Variants in ANKRD28 observed in about 807,000 individuals in gnomAD.
ANKRD28 encodes serine/threonine-protein phosphatase 6 regulatory ankyrin repeat subunit A.
Under a neutral mutation model 126.5 loss-of-function variants are expected in ANKRD28, and 44 were observed. The observed-to-expected ratio is 0.35, with a 90% CI of 0.27 to 0.45. The LOEUF (loss-of-function observed/expected upper bound fraction) is 0.45. Ranked by LOEUF, ANKRD28 falls within the 20% of genes least tolerant of loss-of-function variation. The pLI is 1.00. For missense variants in ANKRD28, 1,110 were observed against 1,316.6 expected (o/e 0.84, Z 2.43); for synonymous variants, 442 against 468.5 (o/e 0.94, Z 0.73).
intron 4 of ANKRD28, chr3:15,738,457 T>G (rs143019019): frequency 6.6e-6 from 1 of 152,318 alleles, no homozygotes; most frequent in Non-Finnish European, 1.5e-5. Flanking sequence ...GAAATTAACA[T>G]TGCTAATGAA....
At chr3:15,718,735 T>C (rs2073364021) in intron 8 of ANKRD28, among the ~76,000 whole-genome samples, 1 of 152,222 alleles carries the variant, frequency 6.6e-6, no homozygotes, top group Non-Finnish European at 1.5e-5. Flanking sequence ...ATTTCCATAA[T>C]ACTAACACAC....
chr3:15,777,841 A>G (rs2059354473), intron 2 of ANKRD28, among the ~76,000 whole-genome samples: 1 of 116,956 alleles, frequency 8.6e-6, no homozygotes, highest in African/African-American at 2.9e-5. Context: ...CCATCACCAA[A>G]ACCAAACTAC....
intron 2 of ANKRD28, among the ~76,000 whole-genome samples, chr3:15,782,122 T>G (rs998978180): frequency 2.0e-5 from 3 of 152,132 alleles, no homozygotes; most frequent in African/African-American, 7.2e-5. Flanking sequence ...ATATGTAAGA[T>G]TTTTCATATA....
At chr3:15,761,912 A>G (rs1008719137) in intron 3 of ANKRD28, among the ~76,000 whole-genome samples, 2 of 152,090 alleles carry the variant, frequency 1.3e-5, no homozygotes, top group Non-Finnish European at 2.9e-5. Flanking sequence ...TGGGCTGGGC[A>G]TGGTGGCTCA....
At chr3:15,715,665 C>G (rs2072921244) in intron 8 of ANKRD28, among the ~76,000 whole-genome samples, 3 of 152,154 alleles carry the variant, frequency 2.0e-5, no homozygotes. Flanking sequence ...CTACTTACCA[C>G]AAGCAAGATT....
At chr3:15,716,651 CAA>C (rs2073098855) in intron 8 of ANKRD28, among the ~76,000 whole-genome samples, 1 of 151,900 alleles carries the variant, frequency 6.6e-6, no homozygotes. Flanking sequence ...ATAAGAAAAA[CAA>C]GAGGAAAACT....
At chr3:15,857,370 T>TGTCTCCCGGG (rs1267026720) in intron 1 of ANKRD28, among the ~76,000 whole-genome samples, 1 of 152,214 alleles carries the variant, frequency 6.6e-6, no homozygotes, top group African/African-American at 2.4e-5. Flanking sequence ...CTGCAACCTC[T>TGTCTCCCGGG]GTCTCCCGGG....
At chr3:15,823,292 G>C (rs962541277) in intron 1 of ANKRD28, among the ~76,000 whole-genome samples, 13 of 152,202 alleles carry the variant, frequency 8.5e-5, no homozygotes, top group African/African-American at 3.1e-4. Flanking sequence ...AGGCAGTAAT[G>C]CTCCCTTGAA....
chr3:15,712,015 A>G, intron 11 of ANKRD28, 125 bp downstream of exon 11: 1 of 743,948 alleles, frequency 1.3e-6, no homozygotes, highest in Non-Finnish European at 2.3e-6. Flanking sequence ...CACGTTCTAA[A>G]AGGGGTTATT....
Position 15,807,331 on chromosome 3 carries a change from T to C in ANKRD28, c.28-12025A>G, listed in dbSNP as rs76286780. On this transcript the variant is annotated intron_variant, in intron 1 of 27. Transcript: ENST00000399451. ...GCAGAATAGGATTACCCTGATTAGC[T>C]TGTAATATTCGGGATTTCCCCAAGC... Among the ~76,000 whole-genome samples, 833 of 152,300 alleles carry C rather than the reference T, an allele frequency of 5.5e-3. 7 individuals are homozygous for C. Among genetic ancestry groups the C allele is most frequent in the South Asian group, 0.018 (89 of 4,822 alleles).
At chr3:15,844,422 T>C (rs2061487523) in intron 1 of ANKRD28, among the ~76,000 whole-genome samples, 1 of 151,486 alleles carries the variant, frequency 6.6e-6, no homozygotes, top group Non-Finnish European at 1.5e-5. Flanking sequence ...GTGGGAGAAC[T>C]GACAATGAAA....
chr3:15,812,683 T>C lies in ANKRD28; in HGVS notation c.28-17377A>G, dbSNP rs1035063932. 1.3e-5 allele frequency among the ~76,000 whole-genome samples: 2 copies of C among 152,190 alleles called. No individual in the cohort carries two copies. Among genetic ancestry groups the C allele is most frequent in the Non-Finnish European group, 2.9e-5 (2 of 68,034 alleles). On this transcript the variant is annotated intron_variant, in intron 1 of 27. Coordinates refer to the ANKRD28 transcript ENST00000399451. The surrounding 1 kb of genome is among the most constrained non-coding windows in gnomAD (Gnocchi z 4.1). ...GTTAAAATTCATCTAAAGCCTTTATTAAGCCACAGGCTAGAAAATGGTTTA... is the reference window on the plus strand; with the variant it reads ...GTTAAAATTCATCTAAAGCCTTTATCAAGCCACAGGCTAGAAAATGGTTTA...
chr3:15,832,470 TA>T (rs1289689194), intron 1 of ANKRD28, among the ~76,000 whole-genome samples: 1 of 152,244 alleles, frequency 6.6e-6, no homozygotes, highest in East Asian at 1.9e-4. Context: ...AACATTATGC[TA>T]AATTTTAAAA....
At chr3:15,798,748 G>A (rs987167712), upstream of ANKRD28, among the ~76,000 whole-genome samples, 6 of 151,924 alleles carry the variant, frequency 3.9e-5, no homozygotes, top group Non-Finnish European at 8.8e-5. Context: ...ATAAATAAAT[G>A]TCAAAGCCAA....
chr3:15,737,999 T>C (rs1207750937), intron 4 of ANKRD28, among the ~76,000 whole-genome samples: 1 of 151,888 alleles, frequency 6.6e-6, no homozygotes, highest in Non-Finnish European at 1.5e-5. Flanking sequence ...AAGGGATTTA[T>C]CTCCCAGAAG....
At chr3:15,752,276 C>A (rs927917274) in intron 3 of ANKRD28, among the ~76,000 whole-genome samples, 1 of 152,024 alleles carries the variant, frequency 6.6e-6, no homozygotes, top group African/African-American at 2.4e-5. Flanking sequence ...AGTTCTCCAG[C>A]CATGATTTAA....
Position 15,690,147 on chromosome 3 carries a change from C to G in ANKRD28, c.1835G>C (p.Ser612Thr), listed in dbSNP as rs1181935304. 1.2e-6 allele frequency: 2 copies of G among 1,609,430 alleles called. No individual in the cohort carries two copies. Among genetic ancestry groups the G allele is most frequent in the African/African-American group, 2.7e-5 (2 of 74,866 alleles). ...SLLDLDVRNS[S>T]GRTPLDLAAF... ...TGCAAGATCTAGGGGTGTTCTTCCACTACTATTTCTGACATCAAGATCTAA... is the reference window on the plus strand; with the variant it reads ...TGCAAGATCTAGGGGTGTTCTTCCAGTACTATTTCTGACATCAAGATCTAA... Residue 612 changes from serine to threonine, a missense_variant, in exon 18 of 28, where the codon AGT becomes ACT. Ser to Thr is a moderately conservative substitution (Grantham distance 58). Coordinates refer to ENST00000683139, the MANE Select transcript of ANKRD28 (RefSeq NM_001349278.2).
chr3:15,795,428 G>T, intron 1 of ANKRD28, 122 bp from the exon 2 acceptor site: 1 of 582,472 alleles, frequency 1.7e-6, no homozygotes, highest in Non-Finnish European at 2.9e-6. Flanking sequence ...TTTGACATTA[G>T]CCAGAAGTTT....
Position 15,843,467 on chromosome 3 carries a change from C to T in ANKRD28, c.27+15910G>A, listed in dbSNP as rs901046434. ...CGTCCATCCGGACACCAATATACAACAATATGTAGTGGCAGGAGGAGAAGT... is the reference window on the plus strand; with the variant it reads ...CGTCCATCCGGACACCAATATACAATAATATGTAGTGGCAGGAGGAGAAGT... On this transcript the variant is annotated intron_variant, in intron 1 of 27. Transcript: ENST00000399451. This position sits in a 1 kb window ranked among gnomAD's most constrained non-coding sequence, Gnocchi z 5.2. 1.3e-5 allele frequency among the ~76,000 whole-genome samples: 2 copies of T among 151,904 alleles called. No homozygotes were observed. Among genetic ancestry groups the T allele is most frequent in the African/African-American group, 2.4e-5 (1 of 41,410 alleles).
Sources: allele counts gnomAD v4.1 joint callset (sites outside exome capture counted in the v4.1 genomes callset), GRCh38; gene constraint gnomAD v4.1.1; non-coding constraint Gnocchi (gnomAD v3.1); transcripts MANE v1.5; gene names NCBI Gene and HGNC (gene_info 2026-07-23, HGNC 2026-07-21).